THSD7B: variants seen among roughly 807,000 people sequenced by gnomAD.
The protein encoded by THSD7B is thrombospondin type-1 domain-containing protein 7B.
Under a neutral mutation model 213.6 loss-of-function variants are expected in THSD7B, and 138 were observed. The observed-to-expected ratio is 0.65, with a 90% CI of 0.56 to 0.74. THSD7B has a LOEUF of 0.74. Ranked by LOEUF, THSD7B falls within the 30% of genes least tolerant of loss-of-function variation. The pLI, the probability that THSD7B is intolerant of heterozygous loss-of-function variation, is 0.00. For synonymous variants in THSD7B, 742 were observed against 687.0 expected, an observed-to-expected ratio of 1.08 and a Z score of -1.25; for missense variants, 1,931 against 1,991.5, an observed-to-expected ratio of 0.97 and a Z score of 0.58.
chr2:137,433,187 CATT>C (rs1295685149), intron 14 of THSD7B, among the ~76,000 whole-genome samples: 1 of 151,880 alleles, frequency 6.6e-6, no homozygotes, highest in Non-Finnish European at 1.5e-5. Flanking sequence ...AGATGGGGGA[CATT>C]ATTTAAGTTG....
chr2:137,156,959 G>A (rs1362666335), intron 5 of THSD7B, among the ~76,000 whole-genome samples: 1 of 152,148 alleles, frequency 6.6e-6, no homozygotes, highest in African/African-American at 2.4e-5. Flanking sequence ...AAGGAAAAGA[G>A]GGCAGTAATA....
chr2:136,966,870 T>C (rs1685323782), intron 2 of THSD7B, among the ~76,000 whole-genome samples: 1 of 152,220 alleles, frequency 6.6e-6, no homozygotes, highest in Admixed American at 6.5e-5. Context: ...AAAGAAACAC[T>C]AACTGGAAAT....
intron 7 of THSD7B, among the ~76,000 whole-genome samples, chr2:137,175,755 T>C (rs1680346278): frequency 6.6e-6 from 1 of 152,180 alleles, no homozygotes; most frequent in Admixed American, 6.5e-5. Flanking sequence ...ATCATTTACC[T>C]AAGTTGGATC....
intron 12 of THSD7B, among the ~76,000 whole-genome samples, chr2:137,398,438 G>T (rs1261360291): frequency 6.6e-6 from 1 of 151,450 alleles, no homozygotes. Context: ...AGGTGTCAGT[G>T]TGCCCCTGCT....
intron 21 of THSD7B, among the ~76,000 whole-genome samples, chr2:137,650,131 G>A (rs1162307585): frequency 6.6e-6 from 1 of 151,958 alleles, no homozygotes; most frequent in Non-Finnish European, 1.5e-5. Flanking sequence ...AATGTCTTTG[G>A]TATTTTGATG....
chr2:137,588,140 G>T (rs866195037), intron 17 of THSD7B, among the ~76,000 whole-genome samples: 2 of 152,178 alleles, frequency 1.3e-5, no homozygotes, highest in Non-Finnish European at 2.9e-5. Context: ...AGCCAGGCAC[G>T]GGATATAATC....
intron 3 of THSD7B, among the ~76,000 whole-genome samples, chr2:137,090,695 A>C (rs915515756): frequency 6.6e-6 from 1 of 152,214 alleles, no homozygotes; most frequent in Non-Finnish European, 1.5e-5. Context: ...GGTCTGTTTC[A>C]TTAAGAAGAT....
At chr2:137,363,913 C>T (rs1279593112) in intron 12 of THSD7B, among the ~76,000 whole-genome samples, 1 of 152,136 alleles carries the variant, frequency 6.6e-6, no homozygotes, top group Non-Finnish European at 1.5e-5. Context: ...ATCCTGATAC[C>T]AAAGCCTGGC....
intron 2 of THSD7B, among the ~76,000 whole-genome samples, chr2:136,913,689 A>G (rs1185425507): frequency 2.0e-5 from 3 of 152,230 alleles, no homozygotes; most frequent in Admixed American, 2.0e-4. Flanking sequence ...GGAAGCCCCA[A>G]ACCTTGGCAA....
At chr2:137,490,055 A>G (rs1206743874) in intron 15 of THSD7B, among the ~76,000 whole-genome samples, 1 of 152,228 alleles carries the variant, frequency 6.6e-6, no homozygotes, top group African/African-American at 2.4e-5. Flanking sequence ...CATTGAACAT[A>G]CCATATGATC....
intron 12 of THSD7B, among the ~76,000 whole-genome samples, chr2:137,397,877 T>G (rs1686235727): frequency 1.2e-5 from 1 of 82,978 alleles, no homozygotes. Context: ...TTTTTATTCT[T>G]TTTTCTCTAA....
chr2:137,282,961 T>C (rs1683065791), intron 12 of THSD7B, among the ~76,000 whole-genome samples: 1 of 152,218 alleles, frequency 6.6e-6, no homozygotes, highest in African/African-American at 2.4e-5. Flanking sequence ...GGTAGCTTGA[T>C]GGGGATGGCA....
chr2:137,020,949 A>G (rs1399219863), intron 2 of THSD7B, among the ~76,000 whole-genome samples: 1 of 152,204 alleles, frequency 6.6e-6, no homozygotes, highest in Admixed American at 6.5e-5. Flanking sequence ...CTTATCCAGG[A>G]GACAGCATCA....
chr2:137,259,958 T>C (rs1682403280), intron 10 of THSD7B, among the ~76,000 whole-genome samples: 2 of 151,980 alleles, frequency 1.3e-5, no homozygotes, highest in African/African-American at 4.8e-5. Flanking sequence ...TGGTGGAGGT[T>C]GTAGGTTTTG....
chr2:136,960,443 A>T (rs1174795213), intron 2 of THSD7B, among the ~76,000 whole-genome samples: 2 of 152,208 alleles, frequency 1.3e-5, no homozygotes, highest in Non-Finnish European at 2.9e-5. Flanking sequence ...TTGGCCTGGA[A>T]TGGTCTCTAA....
intron 17 of THSD7B, among the ~76,000 whole-genome samples, chr2:137,607,969 G>T (rs1041118448): frequency 1.3e-5 from 2 of 152,096 alleles, no homozygotes; most frequent in Non-Finnish European, 2.9e-5. Context: ...CTTCCTCTTT[G>T]CAGTAGGCCA....
At chr2:137,492,845 G>A (rs976988298) in intron 15 of THSD7B, among the ~76,000 whole-genome samples, 23 of 152,070 alleles carry the variant, frequency 1.5e-4, no homozygotes, top group Admixed American at 1.3e-3. Flanking sequence ...TCTTTGGGCT[G>A]GGCGTGGTGG....
intron 12 of THSD7B, among the ~76,000 whole-genome samples, chr2:137,281,252 T>G (rs1334767485): frequency 6.6e-6 from 1 of 152,072 alleles, no homozygotes; most frequent in Non-Finnish European, 1.5e-5. Flanking sequence ...TCTGTTTTTC[T>G]TTGCATTCAA....
At chr2:136,847,834 C>T (rs894912811) in intron 1 of THSD7B, among the ~76,000 whole-genome samples, 1 of 152,144 alleles carries the variant, frequency 6.6e-6, no homozygotes, top group African/African-American at 2.4e-5. Flanking sequence ...CTTCAGGCTT[C>T]TATTTAGTTT....
Sources: allele counts gnomAD v4.1 joint callset (sites outside exome capture counted in the v4.1 genomes callset), GRCh38; gene constraint gnomAD v4.1.1; transcripts MANE v1.5; gene names NCBI Gene and HGNC (gene_info 2026-07-23, HGNC 2026-07-21).